ZNF532: variants seen among roughly 807,000 people sequenced by gnomAD.
The protein encoded by ZNF532 is zinc finger protein 532.
In ZNF532, 22 loss-of-function variants were observed where a neutral mutation model predicts 89.3. The ratio of observed to expected loss-of-function variants is 0.25; its 90% confidence interval spans 0.18 to 0.35. ZNF532 has a LOEUF of 0.35. Among genes scored for constraint, ZNF532 ranks in the 10% least tolerant of loss-of-function variants. ZNF532 has a pLI of 1.00. For synonymous variants in ZNF532, 606 were observed against 649.6 expected (o/e 0.93, Z 1.02); for missense variants, 1,132 against 1,643.4 (o/e 0.69, Z 5.38).
rs181992909 is a variant in ZNF532, at chr18:58,918,479, C to T, written c.192C>T (p.Ile64=). 90 of 1,614,148 alleles carry T rather than the reference C, an allele frequency of 5.6e-5. No homozygotes were observed. Among genetic ancestry groups the T allele is most frequent in the East Asian group, 1.8e-4 (8 of 44,866 alleles). The change falls in exon 3 of 10, where the codon ATC becomes ATT. Residue 64 remains isoleucine, a synonymous_variant. Transcript: ENST00000591808. ...PSSSDVGVSV[I]VKNVRNIDSS... is the part of the protein sequence containing the mutation. ...CTTCTGATGTGGGTGTCAGCGTTAT[C>T]GTCAAGAATGTTCGGAACATTGACT...
At chr18:58,874,350 A>G (rs201966748) in intron 2 of ZNF532, among the ~76,000 whole-genome samples, 4 of 149,250 alleles carry the variant, frequency 2.7e-5, no homozygotes, top group East Asian at 2.2e-4. Flanking sequence ...ATTTTATTCT[A>G]TTATTTTTTT....
In ZNF532 at chr18:58,934,588, G is replaced by T. The variant is rs2062214386; in HGVS notation, c.2502G>T (p.Leu834=). The part of the protein sequence containing the change: ...HFQTHVTKNC[L]HYTRRVGFRC... ...AGACCCACGTCACCAAGAACTGTCT[G>T]CACTACACGAGGAGAGTTGGTTTTC... The change falls in exon 4 of 10, where the codon CTG becomes CTT. Residue 834 remains leucine (L), a synonymous_variant. Coordinates refer to ENST00000591808, the MANE Select transcript of ZNF532 (RefSeq NM_001375912.1). The T allele has an allele frequency of 6.2e-7, 1 of 1,613,926 alleles. No homozygotes were observed. The highest frequency in any genetic ancestry group is 8.5e-7 in the Non-Finnish European group (1 of 1,179,984).
rs756686185 is a variant in ZNF532 at position 58,918,493 on chromosome 18, G to A, written c.206G>A (p.Arg69Gln). Residue 69 changes from arginine to glutamine, a missense_variant, in exon 3 of 10, where the codon CGG becomes CAG. By Grantham distance (43) the Arg-to-Gln change is conservative (BLOSUM62 1). Coordinates refer to ENST00000591808, the MANE Select transcript of ZNF532 (RefSeq NM_001375912.1). ...GTCAGCGTTATCGTCAAGAATGTTC[G>A]GAACATTGACTCTTCCGAGGGCGGG... is the stretch of plus-strand genomic sequence containing the variant. ...VGVSVIVKNV[R>Q]NIDSSEGGEK... 16 of 1,614,040 alleles carry A rather than the reference G, an allele frequency of 9.9e-6. No individual in the cohort carries two copies. In the African/African-American group the frequency reaches 1.5e-4, roughly 15 times the overall value.
intron 7 of ZNF532, among the ~76,000 whole-genome samples, chr18:58,969,258 C>T (rs556811843): frequency 2.6e-5 from 4 of 152,232 alleles, no homozygotes; most frequent in African/African-American, 9.6e-5. Flanking sequence ...GAGCTGGGGC[C>T]TAGGGTGAGA....
chr18:58,918,408 A>G lies in ZNF532; in HGVS notation c.121A>G (p.Met41Val), dbSNP rs1322230199. 1 of 1,614,224 alleles carries G rather than the reference A, an allele frequency of 6.2e-7. No homozygotes were observed. Among genetic ancestry groups the G allele is most frequent in the Admixed American group, 1.7e-5 (1 of 60,028 alleles). The change falls in exon 3 of 10, where the codon ATG (methionine) becomes GTG (valine). Residue 41 changes from methionine (M) to valine (V), a missense_variant. Met to Val is a conservative substitution (Grantham distance 21, BLOSUM62 1). Coordinates refer to ENST00000591808, the MANE Select transcript of ZNF532 (RefSeq NM_001375912.1). ...TGGACACGATGACCATGAAAGCCAC[A>G]TGAAGCAGAATGCTCACGGAGAGGA... ...ESGHDDHESH[M>V]KQNAHGEDDS...
In ZNF532 at chr18:58,918,393, G is replaced by T. The variant is rs1478995404; in HGVS notation, c.106G>T (p.Asp36Tyr). 1 of 1,614,162 alleles carries T rather than the reference G, an allele frequency of 6.2e-7. No individual in the cohort carries two copies. Among genetic ancestry groups the T allele is most frequent in the South Asian group, 1.1e-5 (1 of 91,060 alleles). Residue 36 changes from aspartate to tyrosine, a missense_variant, in exon 3 of 10, where the codon GAC (aspartate) becomes TAC (tyrosine). Coordinates refer to ENST00000591808, the MANE Select transcript of ZNF532 (RefSeq NM_001375912.1). ...AGCAGCTATTGAGTCTGGACACGAT[G>T]ACCATGAAAGCCACATGAAGCAGAA... ...PKAAIESGHD[D>Y]HESHMKQNAH...
intron 7 of ZNF532, among the ~76,000 whole-genome samples, chr18:58,975,342 C>T (rs2066922821): frequency 6.6e-6 from 1 of 152,172 alleles, no homozygotes; most frequent in African/African-American, 2.4e-5. Flanking sequence ...ACTCCCAGGA[C>T]AAGGTGAGAT....
At position 58,888,771 on chromosome 18, in the gene ZNF532, A is replaced by T. The variant is rs1402097173; in HGVS notation, c.-18+23192A>T. Among the ~76,000 whole-genome samples the T allele has an allele frequency of 3.3e-5, 2 of 61,528 alleles. 1 individual carries two copies. Among genetic ancestry groups the T allele is most frequent in the South Asian group, 1.0e-3 (2 of 2,000 alleles). 40.4% of individuals were successfully genotyped at this position (61,528 alleles called of 152,430 possible). On this transcript the variant is annotated intron_variant, in intron 2 of 9. Transcript: ENST00000591808. ...TATATATATAAAATTAATATATATA[A>T]TTTATATATATATAAAATATATATA...
At chr18:58,878,128 A>G (rs1339305235) in intron 2 of ZNF532, among the ~76,000 whole-genome samples, 1 of 152,022 alleles carries the variant, frequency 6.6e-6, no homozygotes, top group Non-Finnish European at 1.5e-5. Flanking sequence ...GGTGGCATGC[A>G]CCTGTATTCC....
At chr18:58,864,513 G>A (rs1365926400), upstream of ZNF532, 1 of 151,096 alleles carries the variant, frequency 6.6e-6, no homozygotes, top group African/African-American at 2.4e-5. Flanking sequence ...ACAAAGATCT[G>A]AGCCAGGTTG....
chr18:58,872,019 G>A (rs1474885895), intron 2 of ZNF532, among the ~76,000 whole-genome samples: 2 of 152,118 alleles, frequency 1.3e-5, no homozygotes, highest in South Asian at 2.1e-4. Flanking sequence ...CATCTTCTAC[G>A]GCAGGAAGTT....
At chr18:58,971,414 G>T (rs2066466602) in intron 7 of ZNF532, among the ~76,000 whole-genome samples, 1 of 152,186 alleles carries the variant, frequency 6.6e-6, no homozygotes, top group African/African-American at 2.4e-5. Context: ...TCTCAATCAG[G>T]GATCAGCAAA....
chr18:58,974,819 A>C (rs2066862803), intron 7 of ZNF532, among the ~76,000 whole-genome samples: 1 of 152,182 alleles, frequency 6.6e-6, no homozygotes, highest in Non-Finnish European at 1.5e-5. Context: ...TCTGACCTCC[A>C]CAAGCTCACT....
rs1348542840 is a variant in ZNF532, at chr18:58,888,876, T to TATTATATATATATATAAAA, written c.-18+23297_-18+23298insATTATATATATATATAAAA. Among the ~76,000 whole-genome samples, 7 of 42,322 alleles carry TATTATATATATATATAAAA rather than the reference T, an allele frequency of 1.7e-4. 1 individual carries two copies. Among genetic ancestry groups the TATTATATATATATATAAAA allele is most frequent in the African/African-American group, 8.0e-4 (7 of 8,724 alleles). The allele number at this position is 42,322 out of a possible 152,430, so 27.8% of individuals were successfully genotyped here. A position where few individuals can be genotyped will look rare whatever the true frequency, so the allele number is the denominator to read the frequency against. ...ATAATTTATATATATATAATATATATTATATATATATATTTTATATATATA... is the reference window on the plus strand; with the variant it reads ...ATAATTTATATATATATAATATATATATTATATATATATATAAAATATATATATATATTTTATATATATA... On this transcript the variant is annotated intron_variant, in intron 2 of 9. Coordinates refer to ENST00000591808, the MANE Select transcript of ZNF532 (RefSeq NM_001375912.1).
chr18:58,958,542 G>C (rs2065025436), intron 7 of ZNF532, among the ~76,000 whole-genome samples: 1 of 152,160 alleles, frequency 6.6e-6, no homozygotes. Flanking sequence ...AAGTCTTTGA[G>C]GGCAAGTTGT....
chr18:58,868,227 A>G (rs1188855582), intron 2 of ZNF532, among the ~76,000 whole-genome samples: 3 of 152,224 alleles, frequency 2.0e-5, no homozygotes, highest in Non-Finnish European at 4.4e-5. Context: ...CCATCAGAAC[A>G]AGAACTACAG....
intron 2 of ZNF532, among the ~76,000 whole-genome samples, chr18:58,893,038 A>G (rs913796065): frequency 3.3e-5 from 5 of 150,026 alleles, no homozygotes; most frequent in African/African-American, 7.4e-5. Context: ...CTGGAGTGCA[A>G]TGGCGCGATT....
intron 7 of ZNF532, among the ~76,000 whole-genome samples, chr18:58,961,082 G>T (rs2065298861): frequency 6.6e-6 from 1 of 152,156 alleles, no homozygotes; most frequent in African/African-American, 2.4e-5. Context: ...CCATAATCTA[G>T]CTGGCGGTTC....
chr18:58,972,341 A>C lies in ZNF532; in HGVS notation c.3151-6714A>C, dbSNP rs2066553870. The stretch of plus-strand genomic sequence containing the variant: ...ACACATCAGTGTGTATATTCAGAAA[A>C]GTGGGAAGGCTGTGTCATTAGAAAT... On this transcript the variant is annotated intron_variant, in intron 7 of 9. Transcript: ENST00000591808. Among the ~76,000 whole-genome samples, 3 of 152,358 alleles carry C rather than the reference A, an allele frequency of 2.0e-5. No individual in the cohort carries two copies. The South Asian group carries it at 6.2e-4, about 32-fold the overall frequency.
Sources: allele counts gnomAD v4.1 joint callset (sites outside exome capture counted in the v4.1 genomes callset), GRCh38; gene constraint gnomAD v4.1.1; transcripts MANE v1.5; gene names NCBI Gene and HGNC (gene_info 2026-07-23, HGNC 2026-07-21).